The following TIMMDC1 variants were observed in gnomAD, a reference collection of about 807,000 sequenced individuals.
TIMMDC1 encodes translocase of inner mitochondrial membrane domain containing 1.
A neutral mutation model predicts 32.6 loss-of-function variants in TIMMDC1; 25 were observed. The ratio of observed to expected loss-of-function variants is 0.77; its 90% confidence interval spans 0.56 to 1.07. The LOEUF is 1.07. Among genes scored for constraint, TIMMDC1 ranks in the 50% least tolerant of loss-of-function variants. The pLI is 0.00. For synonymous variants in TIMMDC1, 130 were observed against 127.6 expected, an observed-to-expected ratio of 1.02 and a Z score of -0.13; for missense variants, 329 against 349.2, an observed-to-expected ratio of 0.94 and a Z score of 0.46.
intron 5 of TIMMDC1, 81 bp from the exon 6 acceptor site, chr3:119,517,124 T>G: frequency 1.2e-6 from 1 of 814,020 alleles, no homozygotes; most frequent in South Asian, 1.5e-5. Flanking sequence ...CTGGTGTTGC[T>G]CACACCTTAG....
rs117997194 is a variant in TIMMDC1 at position 119,503,321 on chromosome 3, C to G, written c.361-211C>G. ...CAAGTATCAGATAAGGGATACTCAA[C>G]CATTTTTTCATCTCCTGATAGGATA... On this transcript the variant is annotated intron_variant, in intron 2 of 6. Coordinates refer to ENST00000494664, the MANE Select transcript of TIMMDC1 (RefSeq NM_016589.4). Among the ~76,000 whole-genome samples the G allele has an allele frequency of 3.9e-5, 6 of 152,308 alleles. No individual in the cohort carries two copies. The East Asian group carries it at 1.2e-3, about 29-fold the overall frequency.
chr3:119,505,581 G>A (rs1013694389), intron 4 of TIMMDC1, among the ~76,000 whole-genome samples: 2 of 152,096 alleles, frequency 1.3e-5, no homozygotes, highest in African/African-American at 4.8e-5. Flanking sequence ...TGGTCAGGCT[G>A]GTCTCGAACT....
intron 4 of TIMMDC1, among the ~76,000 whole-genome samples, chr3:119,509,751 T>A (rs2081941480): frequency 6.6e-6 from 1 of 151,492 alleles, no homozygotes; most frequent in African/African-American, 2.4e-5. Context: ...AGTGGTGCGA[T>A]CTCGGCTCGC....
chr3:119,522,804 T>TTG (rs71156752), intron 6 of TIMMDC1, among the ~76,000 whole-genome samples: 7,038 of 148,688 alleles, frequency 0.047, 169 homozygotes, highest in African/African-American at 0.054. Flanking sequence ...GTATGGGTGT[T>TTG]TGTGTGTGTG....
chr3:119,507,844 T>C (rs1308241234), intron 4 of TIMMDC1, among the ~76,000 whole-genome samples: 3 of 152,210 alleles, frequency 2.0e-5, no homozygotes, highest in African/African-American at 7.2e-5. Flanking sequence ...GATTAGGTTC[T>C]TAGTCTTTTA....
At chr3:119,504,777 A>G (rs895064429) in intron 4 of TIMMDC1, among the ~76,000 whole-genome samples, 7 of 152,178 alleles carry the variant, frequency 4.6e-5, no homozygotes, top group Non-Finnish European at 8.8e-5. Context: ...GTATACTTCA[A>G]AATTGCTTTT....
At chr3:119,516,852 C>A (rs1182781193) in intron 5 of TIMMDC1, among the ~76,000 whole-genome samples, 1 of 152,134 alleles carries the variant, frequency 6.6e-6, no homozygotes, top group East Asian at 1.9e-4. Context: ...TTTGAGAAAT[C>A]TTTGGTGTGG....
At chr3:119,506,819 A>G (rs1448620419) in intron 4 of TIMMDC1, among the ~76,000 whole-genome samples, 3 of 152,108 alleles carry the variant, frequency 2.0e-5, no homozygotes, top group Admixed American at 6.5e-5. Context: ...TTTTGCTTTC[A>G]CTTTACAATC....
At chr3:119,501,772 T>C (rs1030315132) in intron 2 of TIMMDC1, among the ~76,000 whole-genome samples, 11 of 152,242 alleles carry the variant, frequency 7.2e-5, no homozygotes, top group Non-Finnish European at 1.6e-4. Context: ...TTGCCTGTTA[T>C]GCTGCTTTGG....
chr3:119,500,661 A>G, intron 1 of TIMMDC1, 34 bp from the exon 2 acceptor site: 2 of 1,594,502 alleles, frequency 1.3e-6, no homozygotes, highest in Non-Finnish European at 1.7e-6. Context: ...TCCATAAACT[A>G]ATCCCAAACA....
At chr3:119,508,942 A>C (rs1461364055) in intron 4 of TIMMDC1, among the ~76,000 whole-genome samples, 1 of 152,196 alleles carries the variant, frequency 6.6e-6, no homozygotes, top group African/African-American at 2.4e-5. Flanking sequence ...GTGGTGGCTT[A>C]TGCCTGTAAT....
At chr3:119,505,335 C>T (rs1345435055) in intron 4 of TIMMDC1, among the ~76,000 whole-genome samples, 1 of 151,944 alleles carries the variant, frequency 6.6e-6, no homozygotes, top group Non-Finnish European at 1.5e-5. Flanking sequence ...TTATGTACAA[C>T]ACACATATGT....
intron 4 of TIMMDC1, among the ~76,000 whole-genome samples, chr3:119,505,866 T>G (rs1464967834): frequency 6.6e-6 from 1 of 152,244 alleles, no homozygotes; most frequent in Admixed American, 6.5e-5. Context: ...CCCTCTTCTC[T>G]GTGTATATGT....
At chr3:119,500,652 C>G in intron 1 of TIMMDC1, 43 bp from the exon 2 acceptor site, 1 of 1,576,910 alleles carries the variant, frequency 6.3e-7, no homozygotes, top group Non-Finnish European at 8.6e-7. Flanking sequence ...AGAGCAATGT[C>G]CATAAACTAA....
intron 4 of TIMMDC1, among the ~76,000 whole-genome samples, chr3:119,504,770 T>C (rs1222839860): frequency 6.6e-6 from 1 of 152,178 alleles, no homozygotes; most frequent in Non-Finnish European, 1.5e-5. Context: ...GTGTATTGTA[T>C]ACTTCAAAAT....
At chr3:119,508,400 G>A (rs4688011) in intron 4 of TIMMDC1, among the ~76,000 whole-genome samples, 23,429 of 152,206 alleles carry the variant, frequency 0.15, 2,339 homozygotes, top group East Asian at 0.28. Flanking sequence ...GAGGGCAGCA[G>A]TTTACCCATG....
chr3:119,521,159 C>T (rs1036776086), intron 6 of TIMMDC1, among the ~76,000 whole-genome samples: 1 of 152,112 alleles, frequency 6.6e-6, no homozygotes, highest in South Asian at 2.1e-4. Context: ...AAAGCTTTTC[C>T]CTCAAAGAAC....
At chr3:119,499,954 A>G (rs2081857477) in intron 1 of TIMMDC1, among the ~76,000 whole-genome samples, 1 of 152,128 alleles carries the variant, frequency 6.6e-6, no homozygotes, top group Non-Finnish European at 1.5e-5. Context: ...TTATTTGTTT[A>G]TTTTTAGAGC....
intron 4 of TIMMDC1, among the ~76,000 whole-genome samples, chr3:119,504,516 C>A (rs2081903303): frequency 6.6e-6 from 1 of 151,916 alleles, no homozygotes; most frequent in African/African-American, 2.4e-5. Context: ...TTGGTGAGGA[C>A]TATAGGAATG....
Sources: allele counts gnomAD v4.1 joint callset (sites outside exome capture counted in the v4.1 genomes callset), GRCh38; gene constraint gnomAD v4.1.1; transcripts MANE v1.5; gene names NCBI Gene and HGNC (gene_info 2026-07-23, HGNC 2026-07-21).